The following SLC25A36 variants were observed in gnomAD, a reference collection of about 807,000 sequenced individuals.
The protein encoded by SLC25A36 is epididymis secretory sperm binding protein.
Under a neutral mutation model 35.3 loss-of-function variants are expected in SLC25A36, and 24 were observed. That is an observed-to-expected ratio of 0.68 (90% CI 0.49 to 0.96). SLC25A36 has a LOEUF of 0.96. Among genes scored for constraint, SLC25A36 ranks in the 40% least tolerant of loss-of-function variants. SLC25A36 has a pLI of 0.00. For missense variants in SLC25A36, 294 were observed against 381.1 expected, an observed-to-expected ratio of 0.77 and a Z score of 1.90; for synonymous variants, 141 against 132.2, an observed-to-expected ratio of 1.07 and a Z score of -0.46.
Position 140,976,463 on chromosome 3 carries a change from G to C in SLC25A36, c.*10G>C, listed in dbSNP as rs753765285. On this transcript the variant is annotated 3_prime_UTR_variant, in exon 7 of 7. Transcript: ENST00000324194. ...CCTACTCAATGGATAGCAGCACGAG[G>C]ACTGCTGTACTGCAAAAAAAGAAGA... 1 of 1,605,708 alleles carries C rather than the reference G, an allele frequency of 6.2e-7. No individual in the cohort carries two copies. Among genetic ancestry groups the C allele is most frequent in the South Asian group, 1.1e-5 (1 of 89,556 alleles).
rs368121744 is a variant in SLC25A36, at chr3:140,978,540, CTTA to C, written c.*2093_*2095del. 7.2e-4 allele frequency: 109 copies of C among 152,278 alleles called. No homozygotes were observed. Among genetic ancestry groups the C allele is most frequent in the African/African-American group, 2.4e-3 (101 of 41,572 alleles). 9.4% of individuals were successfully genotyped at this position (152,278 alleles called of 1,614,324 possible). ...ATGAAAACCAGCAGCTAAGGAACAT[CTTA>C]TTATTTAGTTGTAGCATATTCATAA... On this transcript the variant is annotated 3_prime_UTR_variant, in exon 7 of 7. Transcript: ENST00000324194.
In SLC25A36 at chr3:140,945,171, C is replaced by T. The variant is rs1476563982; in HGVS notation, c.41+3076C>T. ...ATAGAAGATACTCTCTTGCTGTATC[C>T]TCACGTAGTAGGAGAGGCTAGCCAA... is the stretch of plus-strand genomic sequence containing the variant. On this transcript the variant is annotated intron_variant, in intron 1 of 6. Transcript: ENST00000324194. Among the ~76,000 whole-genome samples the T allele has an allele frequency of 2.6e-5, 4 of 152,146 alleles. 1 individual carries two copies. The highest frequency in any genetic ancestry group is 9.7e-5 in the African/African-American group (4 of 41,444).
At chr3:140,970,120 G>C (rs969818723) in intron 4 of SLC25A36, among the ~76,000 whole-genome samples, 8 of 151,840 alleles carry the variant, frequency 5.3e-5, no homozygotes, top group African/African-American at 1.9e-4. Flanking sequence ...TACTGTTCCA[G>C]GTAGATCTTA....
In SLC25A36 at chr3:140,953,000, AAAG is replaced by A. The variant is rs755328274; in HGVS notation, c.42-3524_42-3522del. Among the ~76,000 whole-genome samples, 9 of 152,332 alleles carry A rather than the reference AAAG, an allele frequency of 5.9e-5. No individual in the cohort carries two copies. The South Asian group carries it at 1.7e-3, about 28-fold the overall frequency. ...CAAAGTAAATACACTAAACTGCTAA[AAAG>A]AAATCAGGCAAAGACAAATTGAATT... On this transcript the variant is annotated intron_variant, in intron 1 of 6. Coordinates refer to ENST00000324194, the MANE Select transcript of SLC25A36 (RefSeq NM_001104647.3).
intron 6 of SLC25A36, 26 bp downstream of exon 6, chr3:140,974,031 G>T: frequency 6.8e-7 from 1 of 1,469,132 alleles, no homozygotes; most frequent in Non-Finnish European, 9.1e-7. Context: ...TATTAAATCA[G>T]AAATATTTTC....
intron 4 of SLC25A36, among the ~76,000 whole-genome samples, chr3:140,970,055 A>C (rs974255895): frequency 1.3e-5 from 2 of 151,808 alleles, no homozygotes; most frequent in African/African-American, 4.8e-5. Flanking sequence ...TTTGTGTGCT[A>C]TTTTTCCATA....
intron 3 of SLC25A36, among the ~76,000 whole-genome samples, chr3:140,960,711 A>G (rs1934605381): frequency 6.6e-6 from 1 of 152,222 alleles, no homozygotes; most frequent in Non-Finnish European, 1.5e-5. Flanking sequence ...ATCAGTAACC[A>G]TCTAAAAGGA....
chr3:140,953,759 C>T (rs543229323), intron 1 of SLC25A36, among the ~76,000 whole-genome samples: 1 of 152,034 alleles, frequency 6.6e-6, no homozygotes, highest in Non-Finnish European at 1.5e-5. Flanking sequence ...GAGTTCAAGA[C>T]CAGTTTGTGC....
At chr3:140,972,714 G>A (rs1395860906) in intron 5 of SLC25A36, 1 of 152,020 alleles carries the variant, frequency 6.6e-6, no homozygotes, top group Non-Finnish European at 1.5e-5. Context: ...TTTCTTGTGA[G>A]GAAGGATCTT....
At chr3:140,966,628 G>T (rs951757337) in intron 4 of SLC25A36, among the ~76,000 whole-genome samples, 4 of 151,430 alleles carry the variant, frequency 2.6e-5, no homozygotes, top group African/African-American at 9.7e-5. Context: ...GGGAGATGAT[G>T]ATCCCCTCTA....
At chr3:140,945,433 C>A (rs1934137403) in intron 1 of SLC25A36, among the ~76,000 whole-genome samples, 1 of 152,104 alleles carries the variant, frequency 6.6e-6, no homozygotes, top group Non-Finnish European at 1.5e-5. Context: ...AGTTTCTTAT[C>A]CTGTTGGAGA....
At chr3:140,959,008 G>GTGT (rs1934559615) in intron 2 of SLC25A36, among the ~76,000 whole-genome samples, 2 of 91,418 alleles carry the variant, frequency 2.2e-5, no homozygotes, top group Non-Finnish European at 2.2e-5. Flanking sequence ...GTGTGTGTGT[G>GTGT]TTTTCTTTTT....
Position 140,978,163 on chromosome 3 carries a change from G to A in SLC25A36, c.*1710G>A, listed in dbSNP as rs1015288891. On this transcript the variant is annotated 3_prime_UTR_variant, in exon 7 of 7. Coordinates refer to ENST00000324194, the MANE Select transcript of SLC25A36 (RefSeq NM_001104647.3). ...TAAATTCCCCCACTTTAACTTCCTT[G>A]TGATCAACAGTAACTGGATGTTTTT... The A allele has an allele frequency of 2.0e-5, 3 of 152,040 alleles. No homozygotes were observed. Among genetic ancestry groups the A allele is most frequent in the Non-Finnish European group, 4.4e-5 (3 of 68,012 alleles). 9.4% of individuals were successfully genotyped at this position (152,040 alleles called of 1,614,324 possible).
chr3:140,979,531 T>C lies in SLC25A36; in HGVS notation c.*3078T>C, dbSNP rs1935136206. 6.6e-6 allele frequency: 1 copy of C among 152,150 alleles called. No individual in the cohort carries two copies. Among genetic ancestry groups the C allele is most frequent in the South Asian group, 2.1e-4 (1 of 4,834 alleles). 9.4% of individuals were successfully genotyped at this position (152,150 alleles called of 1,614,324 possible). On this transcript the variant is annotated 3_prime_UTR_variant, in exon 7 of 7. Transcript: ENST00000324194. ...AATGACTTTAACATTCCTAAGAATA[T>C]AGGTATTTCTGAATGATTTAAATTT...
At chr3:140,944,856 T>C (rs1576474607) in intron 1 of SLC25A36, among the ~76,000 whole-genome samples, 2 of 152,346 alleles carry the variant, frequency 1.3e-5, no homozygotes, top group South Asian at 4.1e-4. Context: ...TAATGAACGA[T>C]ATTTGTTAAA....
intron 6 of SLC25A36, 39 bp from the exon 7 acceptor site, chr3:140,976,221 G>A: frequency 7.6e-7 from 1 of 1,316,670 alleles, no homozygotes; most frequent in Non-Finnish European, 1.1e-6. Flanking sequence ...AGAGTGTAAA[G>A]ATATCAGTAA....
chr3:140,974,205 T>C (rs568969296), intron 6 of SLC25A36, among the ~76,000 whole-genome samples, 200 bp downstream of exon 6: 1 of 152,272 alleles, frequency 6.6e-6, no homozygotes, highest in East Asian at 1.9e-4. Flanking sequence ...TGGTGGTGAT[T>C]GAGCATGAGC....
Position 140,956,448 on chromosome 3 carries a change from G to A in SLC25A36, c.42-79G>A. Reference sequence around the variant, plus strand: ...TGTTGGCAAAGCTCCAGGTACCCATGTGGATTACAGCTCTGGGCATATATA... The same window carrying A: ...TGTTGGCAAAGCTCCAGGTACCCATATGGATTACAGCTCTGGGCATATATA... On this transcript the variant is annotated intron_variant, in intron 1 of 6. Transcript: ENST00000324194. 22 of 1,329,686 alleles carry A rather than the reference G, an allele frequency of 1.7e-5. No homozygotes were observed. In the South Asian group the frequency reaches 5.4e-4, roughly 33 times the overall value. 82.4% of individuals were successfully genotyped at this position (1,329,686 alleles called of 1,614,324 possible). A position where few individuals can be genotyped will look rare whatever the true frequency, so the allele number is the denominator to read the frequency against.
chr3:140,968,144 T>G (rs1406921184), intron 4 of SLC25A36: 2 of 961,320 alleles, frequency 2.1e-6, no homozygotes, highest in African/African-American at 3.5e-5. Context: ...TTGGCTTCAT[T>G]TCTTAGATTA....
Sources: gnomAD v4.1 joint callset for allele counts (sites outside exome capture counted in the v4.1 genomes callset) on GRCh38, gnomAD v4.1.1 for gene constraint, MANE v1.5 for transcripts, NCBI Gene and HGNC (gene_info 2026-07-23, HGNC 2026-07-21) for gene names.